TAC3: variants seen among roughly 807,000 people sequenced by gnomAD.
TAC3 encodes tachykinin-3.
A neutral mutation model predicts 16.5 loss-of-function variants in TAC3; 9 were observed. The ratio of observed to expected loss-of-function variants is 0.55; its 90% CI spans 0.33 to 0.95. The LOEUF (loss-of-function observed/expected upper bound fraction) is 0.95. Ranked by LOEUF, TAC3 falls within the 40% of genes least tolerant of loss-of-function variation. The pLI is 0.03. For synonymous variants in TAC3, 52 were observed against 56.7 expected, an observed-to-expected ratio of 0.92 and a Z score of 0.37; for missense variants, 129 against 149.1, an observed-to-expected ratio of 0.87 and a Z score of 0.70.
At chr12:57,013,712 C>T (rs1031513600) in intron 2 of TAC3, 41 bp from the exon 3 acceptor site, 4 of 1,492,038 alleles carry the variant, frequency 2.7e-6, no homozygotes, top group Non-Finnish European at 3.7e-6. Context: ...GAGGCTCCCA[C>T]CCGGATCCAC....
At position 57,013,245 on chromosome 12, in the gene TAC3, G is replaced by A. The variant is rs555609518; in HGVS notation, c.238+114C>T. The A allele has an allele frequency of 1.7e-5, 22 of 1,322,426 alleles. No homozygotes were observed. In the African/African-American group the frequency reaches 2.5e-4, roughly 15 times the overall value. 81.9% of individuals were successfully genotyped at this position (1,322,426 alleles called of 1,614,324 possible). A position where few individuals can be genotyped will look rare whatever the true frequency, so the allele number is the denominator to read the frequency against. ...AAAGGTTGGCTGAGCAGTGGGAGCTGGCATATTGTTTGTACCAGGTGAGAA... is the reference window on the plus strand; with the variant it reads ...AAAGGTTGGCTGAGCAGTGGGAGCTAGCATATTGTTTGTACCAGGTGAGAA... On this transcript the variant is annotated intron_variant, in intron 4 of 6. Coordinates refer to ENST00000458521, the MANE Select transcript of TAC3 (RefSeq NM_013251.4).
chr12:57,015,887 C>T (rs1956366996), intron 1 of TAC3, 85 bp from the exon 2 acceptor site: 23 of 1,217,898 alleles, frequency 1.9e-5, no homozygotes, highest in Non-Finnish European at 2.4e-5. Flanking sequence ...CATTCATTAC[C>T]AGCAGCTTGG....
Position 57,013,688 on chromosome 12 carries a change from G to A in TAC3, c.115-17C>T. 1 of 1,602,682 alleles carries A rather than the reference G, an allele frequency of 6.2e-7. No individual in the cohort carries two copies. Among genetic ancestry groups the A allele is most frequent in the Non-Finnish European group, 8.5e-7 (1 of 1,172,996 alleles). On this transcript the variant is annotated splice_polypyrimidine_tract_variant and intron_variant, in intron 2 of 6. Transcript: ENST00000458521. ...TGGATCCCTCTAGGGAAGAAACAAA[G>A]AGGGGTGAGGCAGGAGGCTCCCACC...
chr12:57,010,613 A>T (rs1017614907), intron 6 of TAC3: 1 of 166,910 alleles, frequency 6.0e-6, no homozygotes, highest in South Asian at 1.6e-4. Context: ...CATGAGCCAG[A>T]CACACACACA....
rs1956278301 is a variant in TAC3, at chr12:57,010,174, C to T, written c.*116G>A. The T allele has an allele frequency of 2.2e-6, 1 of 453,910 alleles. No individual in the cohort carries two copies. Among genetic ancestry groups the T allele is most frequent in the East Asian group, 6.9e-5 (1 of 14,410 alleles). 28.1% of individuals were successfully genotyped at this position (453,910 alleles called of 1,614,324 possible). A position where few individuals can be genotyped will look rare whatever the true frequency, so the allele number is the denominator to read the frequency against. On this transcript the variant is annotated 3_prime_UTR_variant, in exon 7 of 7. Transcript: ENST00000458521. ...AGAAAAGATGGAGAAGGAGTCAAAG[C>T]ACAAGAATGTTACAAGAACAGGGAA...
chr12:57,012,713 G>T, intron 5 of TAC3, 109 bp downstream of exon 5: 1 of 1,613,250 alleles, frequency 6.2e-7, no homozygotes, highest in Non-Finnish European at 8.5e-7. Context: ...CCTCACTGAA[G>T]GTAAGAAAGG....
At chr12:57,013,229 C>T in intron 4 of TAC3, 130 bp downstream of exon 4, 1 of 1,217,670 alleles carries the variant, frequency 8.2e-7, no homozygotes, top group Non-Finnish European at 1.2e-6. Context: ...GAAAGGTTGG[C>T]TGAGCAGTGG....
At chr12:57,010,776 CT>C (rs1956288024) in intron 6 of TAC3, 1 of 152,416 alleles carries the variant, frequency 6.6e-6, no homozygotes, top group African/African-American at 2.4e-5. Flanking sequence ...GTTGATCCAT[CT>C]CATCTAATCT....
chr12:57,016,288 C>T (rs1956373535), intron 1 of TAC3, 99 bp downstream of exon 1: 4 of 363,274 alleles, frequency 1.1e-5, no homozygotes, highest in Non-Finnish European at 2.2e-5. Flanking sequence ...GTCCCCTGCT[C>T]CCCTATCAGA....
chr12:57,016,454 CCTG>C lies in TAC3; in HGVS notation c.-76_-74del, dbSNP rs1266043460. ...ATCAAGGAACTGGCTAGGACCGCTG[CCTG>C]CTCCCCTCACACACTGGTGCTGCCG... On this transcript the variant is annotated 5_prime_UTR_variant, in exon 1 of 7. Coordinates refer to ENST00000458521, the MANE Select transcript of TAC3 (RefSeq NM_013251.4). 4.0e-5 allele frequency: 18 copies of C among 454,382 alleles called. No individual in the cohort carries two copies. Among genetic ancestry groups the C allele is most frequent in the Non-Finnish European group, 7.5e-5 (17 of 226,790 alleles). The allele number at this position is 454,382 out of a possible 1,614,324, so 28.1% of individuals were successfully genotyped here. A position where few individuals can be genotyped will look rare whatever the true frequency, so the allele number is the denominator to read the frequency against.
At chr12:57,011,230 A>C (rs1285250259) in intron 6 of TAC3, among the ~76,000 whole-genome samples, 1 of 152,192 alleles carries the variant, frequency 6.6e-6, no homozygotes, top group African/African-American at 2.4e-5. Flanking sequence ...ATGCACAGGC[A>C]GCATCATCAA....
At chr12:57,013,155 G>A (rs1385616090) in intron 4 of TAC3, 2 of 743,560 alleles carry the variant, frequency 2.7e-6, no homozygotes, top group African/African-American at 3.5e-5. Flanking sequence ...AGCCAGCAGA[G>A]GGAGAGCCCA....
Position 57,010,185 on chromosome 12 carries a change from T to C in TAC3, c.*105A>G, listed in dbSNP as rs1418519087. ...AGAAGGAGTCAAAGCACAAGAATGTTACAAGAACAGGGAAGAGAAAGGGTA... is the reference window on the plus strand; with the variant it reads ...AGAAGGAGTCAAAGCACAAGAATGTCACAAGAACAGGGAAGAGAAAGGGTA... On this transcript the variant is annotated 3_prime_UTR_variant, in exon 7 of 7. Transcript: ENST00000458521. 1 of 453,902 alleles carries C rather than the reference T, an allele frequency of 2.2e-6. No homozygotes were observed. The highest frequency in any genetic ancestry group is 2.4e-5 in the Admixed American group (1 of 42,548). The allele number at this position is 453,902 out of a possible 1,614,324, so 28.1% of individuals were successfully genotyped here.
chr12:57,013,250 ATT>A (rs1208018372), intron 4 of TAC3, 107 bp downstream of exon 4: 2 of 1,364,834 alleles, frequency 1.5e-6, no homozygotes, highest in Non-Finnish European at 1.0e-6. Flanking sequence ...GAGCTGGCAT[ATT>A]GTTTGTACCA....
At chr12:57,014,705 GT>G (rs58661415) in intron 2 of TAC3, among the ~76,000 whole-genome samples, 66 of 146,910 alleles carry the variant, frequency 4.5e-4, no homozygotes, top group East Asian at 1.4e-3. Flanking sequence ...TCCCCTGGGT[GT>G]TTTTTTTTTT....
At chr12:57,016,019 A>G (rs994052032) in intron 1 of TAC3, among the ~76,000 whole-genome samples, 1 of 152,128 alleles carries the variant, frequency 6.6e-6, no homozygotes, top group African/African-American at 2.4e-5. Context: ...ACCCCATCAG[A>G]TATCTCCCCA....
chr12:57,013,242 G>C, intron 4 of TAC3, 117 bp downstream of exon 4: 1 of 1,301,918 alleles, frequency 7.7e-7, no homozygotes, highest in Admixed American at 1.7e-5. Flanking sequence ...AGCAGTGGGA[G>C]CTGGCATATT....
Position 57,010,318 on chromosome 12 carries a change from A to C in TAC3, c.*2-30T>G, listed in dbSNP as rs376801310. 1.0e-3 allele frequency: 413 copies of C among 393,348 alleles called. 1 individual carries two copies. The highest frequency in any genetic ancestry group is 7.1e-3 in the African/African-American group (339 of 47,570). 24.4% of individuals were successfully genotyped at this position (393,348 alleles called of 1,614,324 possible). A position where few individuals can be genotyped will look rare whatever the true frequency, so the allele number is the denominator to read the frequency against. ...GGACAAAAAACAAAACAAAACAAAA[A>C]AAAACACTGAAATCACATCTTATAT... On this transcript the variant is annotated intron_variant, in intron 6 of 6. Transcript: ENST00000458521.
chr12:57,011,297 AG>A (rs1956294256), intron 6 of TAC3, among the ~76,000 whole-genome samples: 2 of 152,184 alleles, frequency 1.3e-5, no homozygotes, highest in African/African-American at 4.8e-5. Flanking sequence ...TATGGGTAAC[AG>A]GGACACAGAG....
Sources: gnomAD v4.1 joint callset for allele counts (sites outside exome capture counted in the v4.1 genomes callset) on GRCh38, gnomAD v4.1.1 for gene constraint, MANE v1.5 for transcripts, NCBI Gene and HGNC (gene_info 2026-07-23, HGNC 2026-07-21) for gene names.